Variants in CLOCK observed in about 807,000 individuals in gnomAD.
CLOCK encodes the protein clock circadian regulator.
CLOCK carries 43 observed loss-of-function variants against 118.4 expected under a neutral mutation model. The ratio of observed to expected loss-of-function variants is 0.36; its 90% CI spans 0.28 to 0.47. The LOEUF is 0.47. Ranked by LOEUF, CLOCK falls within the 20% of genes least tolerant of loss-of-function variation. The pLI, the probability that CLOCK is intolerant of heterozygous loss-of-function variation, is 1.00. For synonymous variants in CLOCK, 326 were observed against 339.2 expected, an observed-to-expected ratio of 0.96 and a Z score of 0.43; for missense variants, 846 against 999.9, an observed-to-expected ratio of 0.85 and a Z score of 2.08.
At chr4:55,491,967 A>G (rs1239545867) in intron 2 of CLOCK, among the ~76,000 whole-genome samples, 1 of 152,192 alleles carries the variant, frequency 6.6e-6, no homozygotes, top group Non-Finnish European at 1.5e-5. Flanking sequence ...GAAGAATTCT[A>G]CCAAACACTG....
intron 1 of CLOCK, among the ~76,000 whole-genome samples, chr4:55,510,629 TAAAAAAAA>T: frequency 9.6e-6 from 1 of 104,300 alleles, no homozygotes; most frequent in African/African-American, 4.1e-5. Flanking sequence ...TCTGTCTTTT[TAAAAAAAA>T]AAAAAAAAAA....
At chr4:55,484,502 T>C (rs1014884918) in intron 3 of CLOCK, among the ~76,000 whole-genome samples, 2 of 152,094 alleles carry the variant, frequency 1.3e-5, no homozygotes, top group Non-Finnish European at 2.9e-5. Context: ...ATTTTAGAGG[T>C]AGAAGAGAAT....
chr4:55,527,190 TAAA>T (rs1730259292), intron 1 of CLOCK, among the ~76,000 whole-genome samples: 1 of 152,106 alleles, frequency 6.6e-6, no homozygotes, highest in Non-Finnish European at 1.5e-5. Flanking sequence ...AAATATACTT[TAAA>T]ATATTAACAG....
chr4:55,458,440 C>T (rs1034578910), intron 11 of CLOCK, among the ~76,000 whole-genome samples: 5 of 152,062 alleles, frequency 3.3e-5, no homozygotes, highest in Non-Finnish European at 7.4e-5. Flanking sequence ...TTTCCCACTT[C>T]CCTACTTGTC....
At chr4:55,519,374 T>A (rs957513427) in intron 1 of CLOCK, among the ~76,000 whole-genome samples, 3 of 152,208 alleles carry the variant, frequency 2.0e-5, no homozygotes, top group Admixed American at 6.5e-5. Flanking sequence ...ATTCTTTTTG[T>A]ATATAGGATA....
chr4:55,453,849 T>G, intron 13 of CLOCK, 25 bp from the exon 14 acceptor site: 1 of 1,519,142 alleles, frequency 6.6e-7, no homozygotes, highest in Non-Finnish European at 9.0e-7. Context: ...GAGAAATATT[T>G]TTTCTTTAAT....
At chr4:55,462,189 G>A (rs2109815427) in intron 9 of CLOCK, among the ~76,000 whole-genome samples, 1 of 152,272 alleles carries the variant, frequency 6.6e-6, no homozygotes, top group Non-Finnish European at 1.5e-5. Context: ...TCTGCCAAAG[G>A]CTTTTATTTA....
chr4:55,498,973 T>C (rs774500433), intron 2 of CLOCK, among the ~76,000 whole-genome samples: 1 of 152,250 alleles, frequency 6.6e-6, no homozygotes, highest in Non-Finnish European at 1.5e-5. Flanking sequence ...CCATTGTTAC[T>C]GAGCCCATGC....
intron 1 of CLOCK, among the ~76,000 whole-genome samples, chr4:55,523,232 G>A (rs949499107): frequency 6.6e-5 from 10 of 152,204 alleles, no homozygotes; most frequent in Middle Eastern, 3.4e-3. Context: ...TCTGGGAGGC[G>A]GAGCTTGCAG....
At chr4:55,486,879 C>T (rs911368257) in intron 3 of CLOCK, among the ~76,000 whole-genome samples, 1 of 152,148 alleles carries the variant, frequency 6.6e-6, no homozygotes, top group African/African-American at 2.4e-5. Flanking sequence ...TAACTGGTAA[C>T]TCATGTCCTC....
At chr4:55,476,336 T>C (rs1726508461) in intron 6 of CLOCK, among the ~76,000 whole-genome samples, 1 of 152,194 alleles carries the variant, frequency 6.6e-6, no homozygotes, top group Admixed American at 6.5e-5. Flanking sequence ...GATTGCTTCC[T>C]ATTTGACACA....
chr4:55,493,481 T>A (rs1727856674), intron 2 of CLOCK, among the ~76,000 whole-genome samples: 1 of 152,190 alleles, frequency 6.6e-6, no homozygotes, highest in African/African-American at 2.4e-5. Flanking sequence ...CTTAACTACT[T>A]TTATTACCAC....
intron 6 of CLOCK, among the ~76,000 whole-genome samples, chr4:55,478,576 C>G (rs1726700266): frequency 6.6e-6 from 1 of 152,144 alleles, no homozygotes; most frequent in South Asian, 2.1e-4. Context: ...TTTGTCTGCC[C>G]TGGCTTGACT....
intron 3 of CLOCK, among the ~76,000 whole-genome samples, chr4:55,486,055 A>G (rs1727279298): frequency 6.6e-6 from 1 of 152,190 alleles, no homozygotes; most frequent in Admixed American, 6.6e-5. Flanking sequence ...TTTTATTCAT[A>G]CACATGCACA....
intron 1 of CLOCK, among the ~76,000 whole-genome samples, chr4:55,532,055 T>TA: frequency 6.6e-6 from 1 of 152,164 alleles, no homozygotes; most frequent in East Asian, 1.9e-4. Context: ...ACCACATTAA[T>TA]AAAATGAAGC....
At chr4:55,537,379 G>A (rs1265083486) in intron 1 of CLOCK, among the ~76,000 whole-genome samples, 5 of 152,158 alleles carry the variant, frequency 3.3e-5, no homozygotes, top group African/African-American at 1.2e-4. Context: ...AGCACTTTGG[G>A]AGGCTGAGGC....
At chr4:55,492,162 C>T (rs1054574354) in intron 2 of CLOCK, among the ~76,000 whole-genome samples, 2 of 152,044 alleles carry the variant, frequency 1.3e-5, no homozygotes, top group Non-Finnish European at 2.9e-5. Context: ...CCAATCCAAA[C>T]GCAACAGTAA....
At chr4:55,471,819 T>C (rs1028119948) in intron 7 of CLOCK, among the ~76,000 whole-genome samples, 10 of 152,238 alleles carry the variant, frequency 6.6e-5, no homozygotes, top group Admixed American at 6.5e-4. Context: ...ACGCCTGTGA[T>C]GGTAGCAATT....
chr4:55,428,622 T>C lies in CLOCK; in HGVS notation c.*6793A>G. 1 of 152,194 alleles carries C rather than the reference T, an allele frequency of 6.6e-6. No homozygotes were observed. The highest frequency in any genetic ancestry group is 1.5e-5 in the Non-Finnish European group (1 of 68,040). 9.4% of individuals were successfully genotyped at this position (152,194 alleles called of 1,614,324 possible). A position where few individuals can be genotyped will look rare whatever the true frequency, so the allele number is the denominator to read the frequency against. ...AGCTCCACCGTTTTGGAAGTAAAAATGATGAGCTACATCTACTTTTTAATT... is the reference window on the plus strand; with the variant it reads ...AGCTCCACCGTTTTGGAAGTAAAAACGATGAGCTACATCTACTTTTTAATT... On this transcript the variant is annotated 3_prime_UTR_variant, in exon 23 of 23. Transcript: ENST00000513440.
Sources: allele counts gnomAD v4.1 joint callset (sites outside exome capture counted in the v4.1 genomes callset), GRCh38; gene constraint gnomAD v4.1.1; transcripts MANE v1.5; gene names NCBI Gene and HGNC (gene_info 2026-07-23, HGNC 2026-07-21).